Variants in ZBTB14 observed in about 807,000 individuals in gnomAD.
The protein encoded by ZBTB14 is zinc finger and BTB domain-containing protein 14.
Under a neutral mutation model 29.5 loss-of-function variants are expected in ZBTB14, and 8 were observed. That is an observed-to-expected ratio of 0.27 (90% CI 0.16 to 0.49). The LOEUF (loss-of-function observed/expected upper bound fraction) is 0.49, where lower values mean the gene tolerates loss of function less well. Among genes scored for constraint, ZBTB14 ranks in the 20% least tolerant of loss-of-function variants. The pLI is 0.99. For synonymous variants in ZBTB14, 226 were observed against 207.2 expected (o/e 1.09, Z -0.78); for missense variants, 333 against 563.8 (o/e 0.59, Z 4.15).
chr18:5,293,307 C>G lies in ZBTB14; in HGVS notation c.-61G>C. ...CCAAAATCTTCAGATCAGAGTAACT[C>G]TGATCAGGAGCACGCCAGACCTACA... is the stretch of plus-strand genomic sequence containing the variant. On this transcript the variant is annotated 5_prime_UTR_variant, in exon 3 of 4. Transcript: ENST00000651870. The G allele has an allele frequency of 6.3e-7, 1 of 1,597,314 alleles. No homozygotes were observed. Among genetic ancestry groups the G allele is most frequent in the South Asian group, 1.1e-5 (1 of 89,900 alleles).
At chr18:5,293,124 C>A in intron 3 of ZBTB14, 120 bp downstream of exon 3, 1 of 1,075,610 alleles carries the variant, frequency 9.3e-7, no homozygotes, top group Non-Finnish European at 1.3e-6. Flanking sequence ...TACTTTTATT[C>A]GGCTAATATT....
upstream of ZBTB14, among the ~76,000 whole-genome samples, chr18:5,296,454 T>C (rs1490217493): frequency 6.7e-5 from 10 of 149,240 alleles, no homozygotes; most frequent in African/African-American, 9.8e-5. Context: ...TGCGTGTGCA[T>C]GTGCGTGGGC....
At position 5,293,317 on chromosome 18, in the gene ZBTB14, G is replaced by C. The variant is rs1275280075; in HGVS notation, c.-71C>G. ...CAGATCAGAGTAACTCTGATCAGGA[G>C]CACGCCAGACCTACAGAGGAAAGGA... On this transcript the variant is annotated 5_prime_UTR_variant, in exon 3 of 4. Transcript: ENST00000651870. 6.5e-7 allele frequency: 1 copy of C among 1,534,796 alleles called. No individual in the cohort carries two copies. Among genetic ancestry groups the C allele is most frequent in the African/African-American group, 1.4e-5 (1 of 73,116 alleles).
Position 5,291,749 on chromosome 18 carries a change from T to C in ZBTB14, c.459A>G (p.Gly153=), listed in dbSNP as rs2071820825. 1 of 1,613,942 alleles carries C rather than the reference T, an allele frequency of 6.2e-7. No individual in the cohort carries two copies. The highest frequency in any genetic ancestry group is 1.3e-5 in the African/African-American group (1 of 74,878). Residue 153 remains glycine (G), a synonymous_variant, in exon 4 of 4, where the codon GGA becomes GGG. Transcript: ENST00000651870. This position sits in a 1 kb window ranked among gnomAD's most constrained non-coding sequence, Gnocchi z 5.8. The part of the protein sequence containing the change: ...KYCLKINRPI[G]DAADTQDDDV... ...CATCATCCTGGGTGTCAGCAGCATCTCCAATGGGGCGATTTATTTTAAGGC... is the reference window on the plus strand; with the variant it reads ...CATCATCCTGGGTGTCAGCAGCATCCCCAATGGGGCGATTTATTTTAAGGC...
Position 5,291,098 on chromosome 18 carries a change from G to C in ZBTB14, c.1110C>G (p.Phe370Leu). 6.2e-7 allele frequency: 1 copy of C among 1,614,252 alleles called. No homozygotes were observed. The highest frequency in any genetic ancestry group is 8.5e-7 in the Non-Finnish European group (1 of 1,180,050). The change falls in exon 4 of 4, where the codon TTC becomes TTG. Residue 370 changes from phenylalanine (F) to leucine (L), a missense_variant. Coordinates refer to ENST00000651870, the MANE Select transcript of ZBTB14 (RefSeq NM_001243702.2). This position sits in a 1 kb window ranked among gnomAD's most constrained non-coding sequence, Gnocchi z 5.8. Reference protein sequence around the residue: ...PFACHMCDKAFKHKSHLKDHE... With the variant: ...PFACHMCDKALKHKSHLKDHE... ...GATCCTTGAGGTGAGACTTGTGTTT[G>C]AAGGCTTTGTCACACATGTGGCACG...
At chr18:5,294,990 A>C (rs1056991621) in intron 1 of ZBTB14, among the ~76,000 whole-genome samples, 6 of 151,950 alleles carry the variant, frequency 3.9e-5, no homozygotes, top group Non-Finnish European at 7.4e-5. Context: ...GGAGTGGAGG[A>C]GGCCGTTTGC....
At chr18:5,293,124 C>T (rs2071855801) in intron 3 of ZBTB14, 120 bp downstream of exon 3, 10 of 1,075,602 alleles carry the variant, frequency 9.3e-6, no homozygotes, top group South Asian at 3.8e-5. Flanking sequence ...TACTTTTATT[C>T]GGCTAATATT....
Position 5,292,001 on chromosome 18 carries a change from C to T in ZBTB14, c.207G>A (p.Glu69=). 6.2e-7 allele frequency: 1 copy of T among 1,613,450 alleles called. No individual in the cohort carries two copies. Residue 69 remains glutamate, a synonymous_variant, in exon 4 of 4, where the codon GAG becomes GAA. Transcript: ENST00000651870. ...TTTCTATGACCGAAGAACTATCAAC[C>T]TCAAGCTTCTTGAAAAGCTTTTTAA... ...TYFKKLFKKL[E]VDSSSVIEID...
chr18:5,290,736 A>AGC lies in ZBTB14; in HGVS notation c.*121_*122insGC. The AGC allele has an allele frequency of 7.0e-7, 1 of 1,425,666 alleles. No homozygotes were observed. Among genetic ancestry groups the AGC allele is most frequent in the Non-Finnish European group, 9.5e-7 (1 of 1,057,196 alleles). 88.3% of individuals were successfully genotyped at this position (1,425,666 alleles called of 1,614,324 possible). A position where few individuals can be genotyped will look rare whatever the true frequency, so the allele number is the denominator to read the frequency against. On this transcript the variant is annotated 3_prime_UTR_variant, in exon 4 of 4. Transcript: ENST00000651870. ...AAAATAGCTAACCAAGCACTGCCTT[A>AGC]AGTCCAGTGAGTACAATGTTCCATA...
upstream of ZBTB14, chr18:5,296,177 C>A (rs1238689710): frequency 1.3e-5 from 2 of 151,526 alleles, no homozygotes; most frequent in East Asian, 3.9e-4. Context: ...CCCTTGCCGA[C>A]GCTTTCGTTG....
At chr18:5,294,532 G>A (rs1485502703) in intron 1 of ZBTB14, among the ~76,000 whole-genome samples, 1 of 152,156 alleles carries the variant, frequency 6.6e-6, no homozygotes, top group Non-Finnish European at 1.5e-5. Context: ...AGATGTATGA[G>A]ACCTGGAAGA....
Sources: gnomAD v4.1 joint callset for allele counts (sites outside exome capture counted in the v4.1 genomes callset) on GRCh38, gnomAD v4.1.1 for gene constraint, Gnocchi (gnomAD v3.1) non-coding constraint, MANE v1.5 for transcripts, NCBI Gene and HGNC (gene_info 2026-07-23, HGNC 2026-07-21) for gene names.